Variants in BRPF1 observed in about 807,000 individuals in gnomAD.
The protein encoded by BRPF1 is peregrin.
In BRPF1, 15 loss-of-function variants were observed where a neutral mutation model predicts 115.0. That is an observed-to-expected ratio of 0.13 (90% CI 0.09 to 0.20). The LOEUF is 0.20. Ranked by LOEUF, BRPF1 falls within the 10% of genes least tolerant of loss-of-function variation. The pLI is 1.00. For synonymous variants in BRPF1, 647 were observed against 619.8 expected (o/e 1.04, Z -0.65); for missense variants, 1,118 against 1,638.3 (o/e 0.68, Z 5.48).
chr3:9,742,197 C>G, intron 6 of BRPF1, 26 bp downstream of exon 6: 1 of 1,611,964 alleles, frequency 6.2e-7, no homozygotes, highest in Non-Finnish European at 8.5e-7. Flanking sequence ...CCTCACTCCA[C>G]CTTCTCTCTG....
intron 3 of BRPF1, among the ~76,000 whole-genome samples, 188 bp from the exon 4 acceptor site, chr3:9,740,591 C>A (rs369410579): frequency 2.0e-5 from 3 of 152,192 alleles, no homozygotes; most frequent in African/African-American, 7.2e-5. Flanking sequence ...GCTTGGTTTC[C>A]TGTCTGCCAC....
chr3:9,733,687 A>C (rs944363992), intron 1 of BRPF1, among the ~76,000 whole-genome samples: 1 of 152,256 alleles, frequency 6.6e-6, no homozygotes, highest in Non-Finnish European at 1.5e-5. Context: ...TATAACATTC[A>C]GGGAATGGCA....
intron 3 of BRPF1, among the ~76,000 whole-genome samples, 178 bp from the exon 4 acceptor site, chr3:9,740,601 C>T (rs1480963941): frequency 2.0e-5 from 3 of 152,106 alleles, no homozygotes; most frequent in Non-Finnish European, 4.4e-5. Flanking sequence ...CTGTCTGCCA[C>T]GGTACCACTG....
chr3:9,735,452 T>C (rs111327077), intron 2 of BRPF1, among the ~76,000 whole-genome samples: 6 of 152,364 alleles, frequency 3.9e-5, no homozygotes, highest in Non-Finnish European at 8.8e-5. Context: ...TCCTTATGCA[T>C]GACCTTGGGA....
At position 9,740,811 on chromosome 3, in the gene BRPF1, A is replaced by C; in HGVS notation, c.1592A>C (p.Gln531Pro). ...LSKITNRLTIQRKSQFMQRLH... is the reference protein window; with the variant it reads ...LSKITNRLTIPRKSQFMQRLH... ...AAAATCACCAACCGCCTGACCATCC[A>C]AAGGAAGAGCCAGTTCATGCAGAGG... The change falls in exon 4 of 14, where the codon CAA becomes CCA. Residue 531 changes from glutamine to proline, a missense_variant. Transcript: ENST00000383829. 1.2e-6 allele frequency: 2 copies of C among 1,614,134 alleles called. No homozygotes were observed. Among genetic ancestry groups the C allele is most frequent in the Non-Finnish European group, 1.7e-6 (2 of 1,180,024 alleles).
At position 9,745,577 on chromosome 3, in the gene BRPF1, A is replaced by G. The variant is rs200512097; in HGVS notation, c.3073A>G (p.Thr1025Ala). 50 of 1,613,920 alleles carry G rather than the reference A, an allele frequency of 3.1e-5. No homozygotes were observed. Among genetic ancestry groups the G allele is most frequent in the Non-Finnish European group, 4.2e-5 (49 of 1,179,900 alleles). ...SSAASDRTST[T>A]PSKQGRGKPS... ...CTCCCATTGTCTTGTCCACAGCACA[A>G]CGCCCTCAAAACAAGGCCGGGGCAA... The change falls in exon 11 of 14, where the codon ACG becomes GCG. Residue 1025 changes from threonine to alanine, a missense_variant. By Grantham distance (58) the Thr-to-Ala change is moderately conservative (BLOSUM62 0). Around this residue, in one of 10 missense-constraint regions of BRPF1, gnomAD observed 100 missense variants for 109.9 expected, o/e 0.91. Transcript: ENST00000383829. The surrounding 1 kb of genome is among the most constrained non-coding windows in gnomAD (Gnocchi z 5.1).
In BRPF1 at chr3:9,745,592, G is replaced by A. The variant is rs778904712; in HGVS notation, c.3088G>A (p.Gly1030Ser). ...DRTSTTPSKQ[G>S]RGKPSFSRGT... Reference sequence around the variant, plus strand: ...CCACAGCACAACGCCCTCAAAACAAGGCCGGGGCAAACCCTCCTTCTCTCG... The same window carrying A: ...CCACAGCACAACGCCCTCAAAACAAAGCCGGGGCAAACCCTCCTTCTCTCG... Residue 1030 changes from glycine to serine, a missense_variant, in exon 11 of 14, where the codon GGC becomes AGC. Around this residue, in one of 10 missense-constraint regions of BRPF1, gnomAD observed 100 missense variants for 109.9 expected, o/e 0.91. Coordinates refer to ENST00000383829, the MANE Select transcript of BRPF1 (RefSeq NM_001003694.2). This position sits in a 1 kb window ranked among gnomAD's most constrained non-coding sequence, Gnocchi z 5.1. 1.2e-6 allele frequency: 2 copies of A among 1,614,158 alleles called. No homozygotes were observed. Among genetic ancestry groups the A allele is most frequent in the Non-Finnish European group, 1.7e-6 (2 of 1,179,986 alleles).
chr3:9,739,065 C>T lies in BRPF1; in HGVS notation c.666C>T (p.Tyr222=). Residue 222 remains tyrosine, a synonymous_variant, in exon 3 of 14, where the codon TAC becomes TAT. Transcript: ENST00000383829. ...AGTATGACATGGACGAGGAGGACTA[C>T]ATCTGGCTGGATATCATGAATGAGC... ...EVEYDMDEED[Y]IWLDIMNERR... The T allele has an allele frequency of 6.2e-7, 1 of 1,612,338 alleles. No individual in the cohort carries two copies. Among genetic ancestry groups the T allele is most frequent in the Non-Finnish European group, 8.5e-7 (1 of 1,178,932 alleles).
Position 9,734,187 on chromosome 3 carries a change from C to T in BRPF1, c.47C>T (p.Ala16Val), listed in dbSNP as rs1465578133. The part of the protein sequence containing the change: ...DVKTFCHNLR[A>V]TKPPYECPVE... ...AAGACTTTCTGCCACAACTTGCGGGCGACTAAGCCACCATACGAGTGCCCG... is the reference window on the plus strand; with the variant it reads ...AAGACTTTCTGCCACAACTTGCGGGTGACTAAGCCACCATACGAGTGCCCG... Residue 16 changes from alanine (A) to valine (V), a missense_variant, in exon 2 of 14, where the codon GCG (alanine) becomes GTG (valine). Around this residue, in one of 10 missense-constraint regions of BRPF1, gnomAD observed 280 missense variants for 382.8 expected, o/e 0.73. Coordinates refer to ENST00000383829, the MANE Select transcript of BRPF1 (RefSeq NM_001003694.2). The surrounding 1 kb of genome is among the most constrained non-coding windows in gnomAD (Gnocchi z 5.7). 5.0e-6 allele frequency: 8 copies of T among 1,612,568 alleles called. No homozygotes were observed. Among genetic ancestry groups the T allele is most frequent in the Admixed American group, 1.7e-5 (1 of 59,872 alleles).
At position 9,744,450 on chromosome 3, in the gene BRPF1, C is replaced by A; in HGVS notation, c.2862C>A (p.Pro954=). The A allele has an allele frequency of 6.3e-7, 1 of 1,594,532 alleles. No homozygotes were observed. Among genetic ancestry groups the A allele is most frequent in the Non-Finnish European group, 8.5e-7 (1 of 1,171,160 alleles). The change falls in exon 9 of 14, where the codon CCC becomes CCA. Residue 954 remains proline (P), a synonymous_variant. Transcript: ENST00000383829. The part of the protein sequence containing the change: ...SLRQRKRGRS[P]RPSSSSDSDS... ...GTCAGCGCAAGCGGGGTAGGAGCCC[C>A]CGGCCCAGTTCGAGCTCAGACAGCG...
chr3:9,740,680 C>T lies in BRPF1; in HGVS notation c.1560-99C>T, dbSNP rs552151605. The T allele has an allele frequency of 1.2e-4, 170 of 1,448,780 alleles. 1 individual carries two copies. The South Asian group carries it at 2.0e-3, about 17-fold the overall frequency. The allele number at this position is 1,448,780 out of a possible 1,614,324, so 89.7% of individuals were successfully genotyped here. ...GCCTTTTGGACAAGAGATCCTCTCC[C>T]TTCATCCCCATTCAGGAACTTTCAC... On this transcript the variant is annotated intron_variant, in intron 3 of 13. Transcript: ENST00000383829.
At position 9,739,314 on chromosome 3, in the gene BRPF1, C is replaced by T. The variant is rs146224207; in HGVS notation, c.915C>T (p.Tyr305=). 4 of 1,614,176 alleles carry T rather than the reference C, an allele frequency of 2.5e-6. No individual in the cohort carries two copies. Among genetic ancestry groups the T allele is most frequent in the East Asian group, 2.2e-5 (1 of 44,884 alleles). ...MCNLAVHQEC[Y]GVPYIPEGQW... The stretch of plus-strand genomic sequence containing the variant: ...ACCTGGCCGTGCACCAGGAGTGCTA[C>T]GGTGTCCCCTATATCCCTGAGGGCC... The change falls in exon 3 of 14, where the codon TAC becomes TAT. Residue 305 remains tyrosine (Y), a synonymous_variant. Coordinates refer to ENST00000383829, the MANE Select transcript of BRPF1 (RefSeq NM_001003694.2).
intron 9 of BRPF1, among the ~76,000 whole-genome samples, chr3:9,744,774 C>G (rs1316004618): frequency 6.6e-6 from 1 of 152,166 alleles, no homozygotes; most frequent in Non-Finnish European, 1.5e-5. Context: ...GATCTCCTGC[C>G]CTTTAAGCCA....
chr3:9,734,697 A>G lies in BRPF1; in HGVS notation c.557A>G (p.Gln186Arg). 1.2e-6 allele frequency: 2 copies of G among 1,614,218 alleles called. No individual in the cohort carries two copies. The highest frequency in any genetic ancestry group is 1.7e-6 in the Non-Finnish European group (2 of 1,180,040). ...GAGGTGGTCTATCGGGAGCTGGAAC[A>G]GGACACCCCTGATGCCCCACCCCGG... The part of the protein sequence containing the change: ...LPEVVYRELE[Q>R]DTPDAPPRPT... Residue 186 changes from glutamine to arginine, a missense_variant, in exon 2 of 14, where the codon CAG becomes CGG. Coordinates refer to ENST00000383829, the MANE Select transcript of BRPF1 (RefSeq NM_001003694.2). The surrounding 1 kb of genome is among the most constrained non-coding windows in gnomAD (Gnocchi z 5.7).
Position 9,734,656 on chromosome 3 carries a change from C to A in BRPF1, c.516C>A (p.Thr172=). 1.2e-6 allele frequency: 2 copies of A among 1,614,146 alleles called. No homozygotes were observed. Among genetic ancestry groups the A allele is most frequent in the Non-Finnish European group, 1.7e-6 (2 of 1,180,014 alleles). The change falls in exon 2 of 14, where the codon ACC becomes ACA. Residue 172 remains threonine (T), a synonymous_variant. Transcript: ENST00000383829. This position sits in a 1 kb window ranked among gnomAD's most constrained non-coding sequence, Gnocchi z 5.7. The stretch of plus-strand genomic sequence containing the variant: ...ACCACCACAATGTTTCTGCGAGCAC[C>A]ACTCCCAAGCTGCCAGAGGTGGTCT... The part of the protein sequence containing the change: ...HHHHHNVSAS[T]TPKLPEVVYR...
rs2077068152 is a variant in BRPF1 at position 9,743,573 on chromosome 3, C to G, written c.2312-5C>G. 1.9e-6 allele frequency: 3 copies of G among 1,610,246 alleles called. No individual in the cohort carries two copies. Among genetic ancestry groups the G allele is most frequent in the Non-Finnish European group, 2.5e-6 (3 of 1,177,720 alleles). ...CTGACCTTTCCCCTCCAACCCTACC[C>G]CTAGCAGCCGAGGAAGAGCGGCTGG... On this transcript the variant is annotated splice_polypyrimidine_tract_variant and splice_region_variant and intron_variant, in intron 7 of 13. Coordinates refer to ENST00000383829, the MANE Select transcript of BRPF1 (RefSeq NM_001003694.2). This position sits in a 1 kb window ranked among gnomAD's most constrained non-coding sequence, Gnocchi z 6.1.
intron 5 of BRPF1, 97 bp downstream of exon 5, chr3:9,741,536 C>T (rs2077030203): frequency 8.0e-7 from 1 of 1,254,134 alleles, no homozygotes. Flanking sequence ...ACTCGGGAGG[C>T]TGAGGCAGGA....
chr3:9,735,002 G>A (rs902619840), intron 2 of BRPF1, among the ~76,000 whole-genome samples: 3 of 151,576 alleles, frequency 2.0e-5, no homozygotes, highest in African/African-American at 4.9e-5. Context: ...GTCAAGAAAG[G>A]GTGCCAGATT....
chr3:9,745,460 C>G lies in BRPF1; in HGVS notation c.3069-113C>G. On this transcript the variant is annotated intron_variant, in intron 10 of 13. Coordinates refer to ENST00000383829, the MANE Select transcript of BRPF1 (RefSeq NM_001003694.2). This position sits in a 1 kb window ranked among gnomAD's most constrained non-coding sequence, Gnocchi z 5.1. ...TTGAATTTGAAATTCCTCATATAGC[C>G]TCTGCTTTCCAAAAGTCTCAGACCC... 7.9e-7 allele frequency: 1 copy of G among 1,266,856 alleles called. No individual in the cohort carries two copies. Among genetic ancestry groups the G allele is most frequent in the Non-Finnish European group, 1.1e-6 (1 of 891,404 alleles). 78.5% of individuals were successfully genotyped at this position (1,266,856 alleles called of 1,614,324 possible). A position where few individuals can be genotyped will look rare whatever the true frequency, so the allele number is the denominator to read the frequency against.
Sources: allele counts gnomAD v4.1 joint callset (sites outside exome capture counted in the v4.1 genomes callset), GRCh38; gene constraint gnomAD v4.1.1; regional missense constraint gnomAD v4.1.1; non-coding constraint Gnocchi (gnomAD v3.1); transcripts MANE v1.5; gene names NCBI Gene and HGNC (gene_info 2026-07-23, HGNC 2026-07-21).